DLG2: variants seen among roughly 807,000 people sequenced by gnomAD.
DLG2 encodes disks large homolog 2.
DLG2 carries 45 observed loss-of-function variants against 132.5 expected under a neutral mutation model. The ratio of observed to expected loss-of-function variants is 0.34; its 90% confidence interval spans 0.27 to 0.44. The LOEUF is 0.44. DLG2 is among the 20% of genes least tolerant of loss of function. The pLI is 1.00. For missense variants in DLG2, 1,045 were observed against 1,196.9 expected (o/e 0.87, Z 1.87); for synonymous variants, 424 against 419.6 (o/e 1.01, Z -0.13).
chr11:85,464,069 T>G (rs948504363), intron 3 of DLG2, among the ~76,000 whole-genome samples: 2 of 148,564 alleles, frequency 1.3e-5, no homozygotes, highest in Non-Finnish European at 3.0e-5. Context: ...GTAGGTTGTA[T>G]CATATACAAG....
chr11:85,420,298 C>G (rs2090187561), intron 3 of DLG2, among the ~76,000 whole-genome samples: 1 of 152,196 alleles, frequency 6.6e-6, no homozygotes, highest in African/African-American at 2.4e-5. Flanking sequence ...CTGTTCCTTC[C>G]TCTGGAAGCT....
Position 84,188,951 on chromosome 11 carries a change from A to G in DLG2, c.574-25440T>C, listed in dbSNP as rs188759077. ...ATTTCACTAGCAGAAAAGTTTCACCAAAGAGTAGTAAGCTATGCAATGAAG... is the reference window on the plus strand; with the variant it reads ...ATTTCACTAGCAGAAAAGTTTCACCGAAGAGTAGTAAGCTATGCAATGAAG... On this transcript the variant is annotated intron_variant, in intron 8 of 27. Transcript: ENST00000376104. Among the ~76,000 whole-genome samples the G allele has an allele frequency of 6.0e-4, 92 of 152,320 alleles. 1 individual carries two copies. Among genetic ancestry groups the G allele is most frequent in the Admixed American group, 1.9e-3 (29 of 15,288 alleles).
At chr11:85,045,304 T>C (rs892404865) in intron 6 of DLG2, among the ~76,000 whole-genome samples, 7 of 152,078 alleles carry the variant, frequency 4.6e-5, no homozygotes, top group African/African-American at 1.4e-4. Flanking sequence ...CTAGGCTTAA[T>C]GAGTAATATA....
intron 6 of DLG2, among the ~76,000 whole-genome samples, chr11:84,976,536 T>G (rs118149001): frequency 0.02 from 2,997 of 152,290 alleles, 54 homozygotes; most frequent in Admixed American, 0.042. Context: ...TTTTAAATTT[T>G]CTTATCTTCC....
intron 4 of DLG2, among the ~76,000 whole-genome samples, chr11:85,158,094 G>A (rs2077725309): frequency 6.6e-6 from 1 of 152,050 alleles, no homozygotes; most frequent in African/African-American, 2.4e-5. Context: ...GGGCCCTAGA[G>A]GTGAAGTTCA....
At chr11:85,407,676 T>C (rs563884227) in intron 3 of DLG2, among the ~76,000 whole-genome samples, 1 of 151,890 alleles carries the variant, frequency 6.6e-6, no homozygotes, top group Non-Finnish European at 1.5e-5. Flanking sequence ...CACCAACTAC[T>C]GCAGTGGACA....
intron 6 of DLG2, among the ~76,000 whole-genome samples, chr11:85,027,872 T>A (rs2060668881): frequency 6.6e-6 from 1 of 152,136 alleles, no homozygotes; most frequent in Admixed American, 6.5e-5. Context: ...TCTCTCCTTC[T>A]CATCACCCAT....
At chr11:85,189,884 T>A (rs944221259) in intron 4 of DLG2, among the ~76,000 whole-genome samples, 1 of 152,120 alleles carries the variant, frequency 6.6e-6, no homozygotes, top group Non-Finnish European at 1.5e-5. Context: ...TAGTCTTAAA[T>A]TCCTGAGCTC....
chr11:83,755,872 A>C (rs2093624334), intron 18 of DLG2, among the ~76,000 whole-genome samples: 1 of 151,366 alleles, frequency 6.6e-6, no homozygotes, highest in South Asian at 2.1e-4. Flanking sequence ...TTACTAGTTA[A>C]GGGTTTATTC....
intron 7 of DLG2, among the ~76,000 whole-genome samples, chr11:84,489,724 TC>T (rs2099159874): frequency 6.6e-6 from 1 of 152,120 alleles, no homozygotes; most frequent in Admixed American, 6.6e-5. Flanking sequence ...TTTCCATGCA[TC>T]CAAATGCAAC....
chr11:85,443,826 T>C (rs1052061145), intron 3 of DLG2, among the ~76,000 whole-genome samples: 1 of 152,220 alleles, frequency 6.6e-6, no homozygotes, highest in Non-Finnish European at 1.5e-5. Context: ...GATTTCTCTT[T>C]GTTTTGTCTT....
At chr11:84,106,576 C>G (rs570501737) in intron 9 of DLG2, among the ~76,000 whole-genome samples, 1 of 152,082 alleles carries the variant, frequency 6.6e-6, no homozygotes, top group Non-Finnish European at 1.5e-5. Flanking sequence ...ATTTAGGATG[C>G]CCCATAGTTT....
At chr11:84,205,532 C>A (rs998359443) in intron 8 of DLG2, among the ~76,000 whole-genome samples, 2 of 145,166 alleles carry the variant, frequency 1.4e-5, no homozygotes, top group East Asian at 4.0e-4. Flanking sequence ...AGACTAAATT[C>A]TCTGAGAATA....
chr11:85,111,030 T>A (rs2072645741), intron 6 of DLG2, among the ~76,000 whole-genome samples: 1 of 152,102 alleles, frequency 6.6e-6, no homozygotes, highest in Admixed American at 6.6e-5. Flanking sequence ...CACTTCAGAG[T>A]ACAGAAGTAG....
chr11:83,981,223 A>C (rs1474113106), intron 11 of DLG2, among the ~76,000 whole-genome samples: 2 of 152,140 alleles, frequency 1.3e-5, no homozygotes, highest in Non-Finnish European at 2.9e-5. Flanking sequence ...GATAAGGAAA[A>C]GAAGCTAGAT....
chr11:85,319,312 C>A (rs1222744494), intron 3 of DLG2, among the ~76,000 whole-genome samples: 1 of 151,892 alleles, frequency 6.6e-6, no homozygotes, highest in East Asian at 1.9e-4. Flanking sequence ...TCAAACTCAT[C>A]TAAAAGTGTA....
chr11:84,021,212 G>A (rs532698333), intron 11 of DLG2, among the ~76,000 whole-genome samples: 20 of 152,180 alleles, frequency 1.3e-4, no homozygotes, highest in Admixed American at 5.2e-4. Context: ...TGGTATTACT[G>A]TTATTCTCAT....
chr11:85,283,533 C>T (rs572273163), intron 4 of DLG2, among the ~76,000 whole-genome samples: 2 of 150,384 alleles, frequency 1.3e-5, no homozygotes, highest in Admixed American at 1.3e-4. Context: ...AAATAAACTG[C>T]TCTTTCAAAG....
chr11:84,752,851 G>A (rs1304200349), intron 6 of DLG2, among the ~76,000 whole-genome samples: 1 of 149,766 alleles, frequency 6.7e-6, no homozygotes, highest in Non-Finnish European at 1.5e-5. Flanking sequence ...AGTTTACTGA[G>A]AATGATGGTT....
Sources: allele counts gnomAD v4.1 joint callset (sites outside exome capture counted in the v4.1 genomes callset), GRCh38; gene constraint gnomAD v4.1.1; transcripts MANE v1.5; gene names NCBI Gene and HGNC (gene_info 2026-07-23, HGNC 2026-07-21).